Variants in PDE4D observed in about 807,000 individuals in gnomAD.
PDE4D encodes phosphodiesterase 4D, also known as 3',5'-cyclic-AMP phosphodiesterase 4D.
PDE4D carries 24 observed loss-of-function variants against 87.4 expected under a neutral mutation model. The observed-to-expected ratio is 0.27, with a 90% confidence interval of 0.20 to 0.39. The LOEUF (loss-of-function observed/expected upper bound fraction) is 0.39. Ranked by LOEUF, PDE4D falls within the 10% of genes least tolerant of loss-of-function variation. The pLI is 1.00. For synonymous variants in PDE4D, 384 were observed against 383.2 expected (o/e 1.00, Z -0.02); for missense variants, 714 against 1,041.0 (o/e 0.69, Z 4.32).
intron 1 of PDE4D, among the ~76,000 whole-genome samples, chr5:59,848,321 G>A (rs1220510103): frequency 6.6e-6 from 1 of 151,970 alleles, no homozygotes; most frequent in African/African-American, 2.4e-5. Flanking sequence ...GACAGAAGGT[G>A]TTCTGACAAC....
intron 5 of PDE4D, among the ~76,000 whole-genome samples, chr5:59,136,319 T>C (rs547224798): frequency 1.8e-4 from 27 of 152,344 alleles, no homozygotes; most frequent in Non-Finnish European, 3.4e-4. Flanking sequence ...GGATTGTAAC[T>C]TAATATATTC....
At chr5:59,547,849 C>G (rs559156122) in intron 1 of PDE4D, among the ~76,000 whole-genome samples, 1 of 152,180 alleles carries the variant, frequency 6.6e-6, no homozygotes, top group Non-Finnish European at 1.5e-5. Context: ...GAGGCCTGGT[C>G]AGTCAGTCAC....
chr5:59,305,837 G>A (rs1771219723), intron 1 of PDE4D, among the ~76,000 whole-genome samples: 1 of 152,120 alleles, frequency 6.6e-6, no homozygotes. Flanking sequence ...CTATCTTGGA[G>A]AAAGTTCCAT....
At chr5:59,164,007 T>C (rs1243256645) in intron 5 of PDE4D, among the ~76,000 whole-genome samples, 1 of 152,374 alleles carries the variant, frequency 6.6e-6, no homozygotes, top group East Asian at 1.9e-4. Flanking sequence ...TTTAACATTG[T>C]TTCAAAATCA....
At chr5:59,144,134 T>C (rs1041500067) in intron 5 of PDE4D, among the ~76,000 whole-genome samples, 2 of 152,190 alleles carry the variant, frequency 1.3e-5, no homozygotes, top group African/African-American at 4.8e-5. Flanking sequence ...CTTTAATTAG[T>C]CTAATTTTCT....
chr5:59,920,781 G>A (rs1451948077), intron 3 of PDE4D, among the ~76,000 whole-genome samples: 2 of 146,654 alleles, frequency 1.4e-5, no homozygotes. Context: ...AACACTGCAT[G>A]TTCTCACTCA....
intron 1 of PDE4D, among the ~76,000 whole-genome samples, chr5:59,822,627 T>C (rs534609474): frequency 2.4e-4 from 36 of 152,200 alleles, no homozygotes; most frequent in Admixed American, 1.3e-4. Context: ...AATAGATCTT[T>C]ACCACTCTAA....
chr5:60,464,865 G>A (rs1045549369), intron 1 of PDE4D, among the ~76,000 whole-genome samples: 1 of 152,194 alleles, frequency 6.6e-6, no homozygotes, highest in Non-Finnish European at 1.5e-5. Flanking sequence ...ACTTTCGGAG[G>A]TCAAGGTGGG....
intron 5 of PDE4D, among the ~76,000 whole-genome samples, chr5:59,173,939 C>G (rs561636077): frequency 1.2e-4 from 19 of 152,240 alleles, no homozygotes; most frequent in Admixed American, 1.2e-3. Flanking sequence ...TTTTAAAAAA[C>G]TATATATACT....
At chr5:59,356,702 AG>A in intron 1 of PDE4D, 2 of 1,424,000 alleles carry the variant, frequency 1.4e-6, no homozygotes, top group Non-Finnish European at 1.9e-6. Context: ...CTTATTTGCA[AG>A]GGGCCTAAGG....
At position 59,380,405 on chromosome 5, in the gene PDE4D, A is replaced by AAG. The variant is rs1311123470; in HGVS notation, c.456-164439_456-164438dup. Among the ~76,000 whole-genome samples the AAG allele has an allele frequency of 1.9e-3, 256 of 137,878 alleles. 15 individuals carry two copies. Among genetic ancestry groups the AAG allele is most frequent in the Middle Eastern group, 7.6e-3 (2 of 264 alleles). The allele number at this position is 137,878 out of a possible 152,430, so 90.5% of individuals were successfully genotyped here. A position where few individuals can be genotyped will look rare whatever the true frequency, so the allele number is the denominator to read the frequency against. ...AAAGCAATCAAAAAAAAAAAAAAAA[A>AAG]AGAGAGAGAAAGAAGTGAGAAAGAA... On this transcript the variant is annotated intron_variant, in intron 1 of 14. Transcript: ENST00000340635.
At chr5:60,063,140 A>T (rs1017383190) in intron 2 of PDE4D, among the ~76,000 whole-genome samples, 3 of 151,172 alleles carry the variant, frequency 2.0e-5, no homozygotes, top group African/African-American at 7.3e-5. Context: ...GAAAGAAAGA[A>T]AGAAAGAAAG....
At chr5:59,982,659 A>C (rs533496083) in intron 3 of PDE4D, among the ~76,000 whole-genome samples, 19 of 152,326 alleles carry the variant, frequency 1.2e-4, no homozygotes, top group South Asian at 4.1e-4. Flanking sequence ...ATAACTGAAC[A>C]GCACTTGAAA....
At chr5:59,452,227 A>G (rs902430088) in intron 1 of PDE4D, among the ~76,000 whole-genome samples, 11 of 152,158 alleles carry the variant, frequency 7.2e-5, no homozygotes, top group African/African-American at 2.4e-4. Context: ...TTGAGGTTTT[A>G]GCCTAAATTT....
At chr5:60,419,995 T>C (rs1561232864) in intron 1 of PDE4D, among the ~76,000 whole-genome samples, 1 of 152,186 alleles carries the variant, frequency 6.6e-6, no homozygotes, top group Non-Finnish European at 1.5e-5. Flanking sequence ...TGCAGAGATT[T>C]GTCCCAGACA....
At chr5:59,010,556 TC>T (rs1425394630) in intron 6 of PDE4D, among the ~76,000 whole-genome samples, 4 of 152,134 alleles carry the variant, frequency 2.6e-5, no homozygotes, top group Non-Finnish European at 5.9e-5. Flanking sequence ...TTCATGGTGA[TC>T]CTGGGAGACT....
intron 1 of PDE4D, among the ~76,000 whole-genome samples, chr5:60,499,558 G>T (rs1749971635): frequency 6.6e-6 from 1 of 152,180 alleles, no homozygotes; most frequent in African/African-American, 2.4e-5. Context: ...ATCTCATGCT[G>T]ATGGCTCTCT....
At chr5:59,094,688 C>T (rs567297812) in intron 5 of PDE4D, among the ~76,000 whole-genome samples, 1 of 152,050 alleles carries the variant, frequency 6.6e-6, no homozygotes, top group Non-Finnish European at 1.5e-5. Context: ...GTGATGCCTA[C>T]AAAATGTTCA....
intron 1 of PDE4D, among the ~76,000 whole-genome samples, chr5:59,302,703 T>C (rs183094389): frequency 2.0e-4 from 31 of 152,332 alleles, no homozygotes; most frequent in African/African-American, 7.0e-4. Flanking sequence ...GCAAATGCTG[T>C]TAATTCATTC....
Sources: allele counts gnomAD v4.1 joint callset (sites outside exome capture counted in the v4.1 genomes callset), GRCh38; gene constraint gnomAD v4.1.1; transcripts MANE v1.5; gene names NCBI Gene and HGNC (gene_info 2026-07-23, HGNC 2026-07-21).